The following CPNE4 variants were observed in gnomAD, a reference collection of about 807,000 sequenced individuals.
CPNE4 encodes the protein copine 4, also known as copine-4.
CPNE4 carries 25 observed loss-of-function variants against 67.9 expected under a neutral mutation model. The observed-to-expected ratio is 0.37, with a 90% CI of 0.27 to 0.51. CPNE4 has a LOEUF of 0.51. Among genes scored for constraint, CPNE4 ranks in the 20% least tolerant of loss-of-function variants. The pLI is 0.93. For missense variants in CPNE4, 464 were observed against 690.8 expected, an observed-to-expected ratio of 0.67 and a Z score of 3.68; for synonymous variants, 242 against 244.9, an observed-to-expected ratio of 0.99 and a Z score of 0.11.
chr3:132,037,505 A>T (rs1569282), upstream of CPNE4: 19 of 1,408,380 alleles, frequency 1.3e-5, no homozygotes, highest in South Asian at 2.2e-4. Flanking sequence ...CCCGCCAGCC[A>T]CAGTCCCCTC....
chr3:131,710,261 C>A (rs1330053098), intron 3 of CPNE4, among the ~76,000 whole-genome samples: 1 of 152,132 alleles, frequency 6.6e-6, no homozygotes. Flanking sequence ...AACAATAGAT[C>A]CATGTCAAGG....
rs996048634 is a variant in CPNE4, at chr3:131,564,144, C to T, written c.1061+72G>A. The T allele has an allele frequency of 4.0e-5, 63 of 1,581,698 alleles. No individual in the cohort carries two copies. In the African/African-American group the frequency reaches 8.1e-4, roughly 20 times the overall value. ...ACTAGACTTAATTTCCACTTTCTGC[C>T]CAGGATCAGCCAAAGACCGTCTGAA... On this transcript the variant is annotated intron_variant, in intron 11 of 15. Coordinates refer to ENST00000429747, the MANE Select transcript of CPNE4 (RefSeq NM_130808.3).
intron 1 of CPNE4, among the ~76,000 whole-genome samples, chr3:131,962,733 T>TA (rs35814855): frequency 0.44 from 66,311 of 150,056 alleles, 15,516 homozygotes; most frequent in African/African-American, 0.62. Context: ...CAGAAACAGT[T>TA]AAAAAAAAAA....
At chr3:132,029,436 T>A (rs969540427) in intron 1 of CPNE4, among the ~76,000 whole-genome samples, 9 of 152,178 alleles carry the variant, frequency 5.9e-5, no homozygotes, top group South Asian at 2.1e-4. Context: ...GCCCTGCTTA[T>A]GGGTCCCGGA....
chr3:131,653,039 G>A (rs1023340105), intron 7 of CPNE4, among the ~76,000 whole-genome samples: 1 of 151,962 alleles, frequency 6.6e-6, no homozygotes, highest in East Asian at 1.9e-4. Context: ...AAGAATCAGG[G>A]TTAAGTCTTT....
intron 2 of CPNE4, among the ~76,000 whole-genome samples, chr3:131,897,584 A>G (rs1282482945): frequency 1.3e-5 from 2 of 151,996 alleles, no homozygotes; most frequent in Non-Finnish European, 2.9e-5. Flanking sequence ...TTTTTTGTCT[A>G]CTATACCTCA....
intron 2 of CPNE4, among the ~76,000 whole-genome samples, chr3:131,757,183 G>T (rs929917888): frequency 6.6e-6 from 1 of 152,206 alleles, no homozygotes; most frequent in Non-Finnish European, 1.5e-5. Flanking sequence ...AACAGGCAGA[G>T]ACTGGAACAG....
intron 5 of CPNE4, among the ~76,000 whole-genome samples, chr3:131,687,165 AG>A (rs1560115745): frequency 6.6e-6 from 1 of 152,034 alleles, no homozygotes; most frequent in Admixed American, 6.6e-5. Flanking sequence ...TGTCTTTTCT[AG>A]TGTTTATATT....
At chr3:131,833,042 G>C (rs936593607) in intron 2 of CPNE4, among the ~76,000 whole-genome samples, 5 of 152,110 alleles carry the variant, frequency 3.3e-5, no homozygotes, top group Admixed American at 1.3e-4. Flanking sequence ...GCCTATAAAA[G>C]AGACCCCAGA....
intron 10 of CPNE4, among the ~76,000 whole-genome samples, chr3:131,568,161 T>G (rs1016717025): frequency 6.6e-6 from 1 of 152,056 alleles, no homozygotes; most frequent in African/African-American, 2.4e-5. Context: ...TAGACAGCAA[T>G]GGACAGTCTT....
At chr3:131,646,551 G>T (rs1406733384) in intron 7 of CPNE4, among the ~76,000 whole-genome samples, 1 of 152,182 alleles carries the variant, frequency 6.6e-6, no homozygotes, top group African/African-American at 2.4e-5. Context: ...AGAGAGTCCT[G>T]CTGAGGACAG....
chr3:131,934,035 T>C (rs561121420), intron 1 of CPNE4, among the ~76,000 whole-genome samples: 1 of 152,304 alleles, frequency 6.6e-6, no homozygotes, highest in Non-Finnish European at 1.5e-5. Context: ...ACGTTTATAG[T>C]GTGAGCTGCT....
intron 2 of CPNE4, among the ~76,000 whole-genome samples, chr3:131,879,263 T>C (rs2087575707): frequency 6.6e-6 from 1 of 152,298 alleles, no homozygotes. Context: ...CTATGGGAGA[T>C]ATATGAATAA....
At chr3:131,660,759 C>A (rs1418207159) in intron 7 of CPNE4, among the ~76,000 whole-genome samples, 1 of 152,130 alleles carries the variant, frequency 6.6e-6, no homozygotes, top group Non-Finnish European at 1.5e-5. Flanking sequence ...GTGGAAGAGC[C>A]AGCCAATTCA....
At chr3:132,015,185 T>C (rs1234303905) in intron 1 of CPNE4, among the ~76,000 whole-genome samples, 1 of 152,158 alleles carries the variant, frequency 6.6e-6, no homozygotes, top group Non-Finnish European at 1.5e-5. Context: ...GCTCAAATTA[T>C]TGCACATCTC....
chr3:131,630,134 AATCT>A, intron 7 of CPNE4, among the ~76,000 whole-genome samples: 1 of 152,186 alleles, frequency 6.6e-6, no homozygotes, highest in Non-Finnish European at 1.5e-5. Context: ...AGCATGATGA[AATCT>A]CACGCTGTCC....
intron 2 of CPNE4, among the ~76,000 whole-genome samples, chr3:131,857,427 G>C (rs1167811250): frequency 2.0e-5 from 3 of 152,018 alleles, no homozygotes; most frequent in Non-Finnish European, 2.9e-5. Context: ...GAACAAGTCA[G>C]TGGAGCCCTA....
rs1329778397 is a variant in CPNE4, at chr3:131,740,366, T to A, written c.181-16741A>T. Among the ~76,000 whole-genome samples the A allele has an allele frequency of 4.6e-5, 7 of 152,242 alleles. No individual in the cohort carries two copies. In the South Asian group the frequency reaches 1.4e-3, roughly 32 times the overall value. Reference sequence around the variant, plus strand: ...TATGAATGGATATCTCAGGCCCAGATGTCTCCCCTGAACATCTTTTGAGGC... The same window carrying A: ...TATGAATGGATATCTCAGGCCCAGAAGTCTCCCCTGAACATCTTTTGAGGC... On this transcript the variant is annotated intron_variant, in intron 2 of 15. Coordinates refer to ENST00000429747, the MANE Select transcript of CPNE4 (RefSeq NM_130808.3).
intron 10 of CPNE4, among the ~76,000 whole-genome samples, chr3:131,565,135 G>A (rs1936989764): frequency 6.6e-6 from 1 of 151,774 alleles, no homozygotes; most frequent in African/African-American, 2.4e-5. Flanking sequence ...TTAAGCCGAG[G>A]GTGTTAAAAT....
Sources: gnomAD v4.1 joint callset for allele counts (sites outside exome capture counted in the v4.1 genomes callset) on GRCh38, gnomAD v4.1.1 for gene constraint, MANE v1.5 for transcripts, NCBI Gene and HGNC (gene_info 2026-07-23, HGNC 2026-07-21) for gene names.